Variants in TAS1R3 observed in about 807,000 individuals in gnomAD.
TAS1R3 encodes taste receptor type 1 member 3.
In TAS1R3, 58 loss-of-function variants were observed where a neutral mutation model predicts 46.1. The ratio of observed to expected loss-of-function variants is 1.26; its 90% CI spans 1.02 to 1.57. The LOEUF (loss-of-function observed/expected upper bound fraction) is 1.57. Ranked by LOEUF, TAS1R3 falls within the 40% of genes most tolerant of loss-of-function variation. TAS1R3 has a pLI of 0.00. For synonymous variants in TAS1R3, 724 were observed against 544.7 expected (o/e 1.33, Z -4.58); for missense variants, 1,422 against 1,185.8 (o/e 1.20, Z -2.93).
Position 1,334,127 on chromosome 1 carries a change from C to A in TAS1R3, c.2222C>A (p.Ala741Asp), listed in dbSNP as rs750640247. 5 of 1,580,912 alleles carry A rather than the reference C, an allele frequency of 3.2e-6. No individual in the cohort carries two copies. In the East Asian group the frequency reaches 1.2e-4, roughly 37 times the overall value. The change falls in exon 6 of 6, where the codon GCC (alanine) becomes GAC (aspartate). Residue 741 changes from alanine (A) to aspartate (D), a missense_variant. Coordinates refer to ENST00000339381, the MANE Select transcript of TAS1R3 (RefSeq NM_152228.3). ...GLAHATNATL[A>D]FLCFLGTFLV... Reference sequence around the variant, plus strand: ...GCGCACGCCACCAATGCCACGCTGGCCTTTCTCTGCTTCCTGGGCACTTTC... The same window carrying A: ...GCGCACGCCACCAATGCCACGCTGGACTTTCTCTGCTTCCTGGGCACTTTC...
At position 1,333,618 on chromosome 1, in the gene TAS1R3, G is replaced by GCTGCTC; in HGVS notation, c.1719_1724dup (p.Leu575_Leu576dup). 7 of 1,610,652 alleles carry GCTGCTC rather than the reference G, an allele frequency of 4.3e-6. No homozygotes were observed. The highest frequency in any genetic ancestry group is 2.2e-5 in the East Asian group (1 of 44,884). ...CATGGGGCGAGCCGGCTGTGCTGCT[G>GCTGCTC]CTGCTCCTGCTGCTGAGCCTGGCGC... On this transcript the variant is annotated inframe_insertion, in exon 6 of 6. Coordinates refer to ENST00000339381, the MANE Select transcript of TAS1R3 (RefSeq NM_152228.3).
In TAS1R3 at chr1:1,332,610, G is replaced by A; in HGVS notation, c.1079G>A (p.Gly360Asp). The change falls in exon 3 of 6, where the codon GGT becomes GAT. Residue 360 changes from glycine to aspartate, a missense_variant. Gly to Asp is a moderately conservative substitution (Grantham distance 94). Transcript: ENST00000339381. Reference sequence around the variant, plus strand: ...TCTGCCCTGGGCGAGAGGGAGCAGGGTCTGGAGGAGGACGTGGTGGGCCAG... The same window carrying A: ...TCTGCCCTGGGCGAGAGGGAGCAGGATCTGGAGGAGGACGTGGTGGGCCAG... ...FCSALGEREQ[G>D]LEEDVVGQRC... 2 of 1,610,710 alleles carry A rather than the reference G, an allele frequency of 1.2e-6. No individual in the cohort carries two copies.
Position 1,333,990 on chromosome 1 carries a change from G to A in TAS1R3, c.2085G>A (p.Leu695=), listed in dbSNP as rs1437466837. The A allele has an allele frequency of 1.3e-6, 2 of 1,599,906 alleles. No individual in the cohort carries two copies. Among genetic ancestry groups the A allele is most frequent in the Non-Finnish European group, 8.5e-7 (1 of 1,179,778 alleles). The part of the protein sequence containing the change: ...VLLAMLVEVA[L]CTWYLVAFPP... Reference sequence around the variant, plus strand: ...TGGCCATGCTGGTGGAGGTCGCACTGTGCACCTGGTACCTGGTGGCCTTCC... The same window carrying A: ...TGGCCATGCTGGTGGAGGTCGCACTATGCACCTGGTACCTGGTGGCCTTCC... Residue 695 remains leucine (L), a synonymous_variant, in exon 6 of 6, where the codon CTG becomes CTA. Transcript: ENST00000339381.
chr1:1,333,088 G>C lies in TAS1R3; in HGVS notation c.1443G>C (p.Glu481Asp), dbSNP rs764260347. Residue 481 changes from glutamate (E) to aspartate (D), a missense_variant, in exon 4 of 6, where the codon GAG (glutamate) becomes GAC (aspartate). Physicochemically the swap from Glu to Asp is conservative, Grantham distance 45. Coordinates refer to ENST00000339381, the MANE Select transcript of TAS1R3 (RefSeq NM_152228.3). The part of the protein sequence containing the change: ...VGRFNGSLRT[E>D]RLKIRWHTSD... Reference sequence around the variant, plus strand: ...GGTTCAACGGCAGCCTCAGGACAGAGCGCCTGAAGATCCGCTGGCACACGT... The same window carrying C: ...GGTTCAACGGCAGCCTCAGGACAGACCGCCTGAAGATCCGCTGGCACACGT... 5 of 1,612,498 alleles carry C rather than the reference G, an allele frequency of 3.1e-6. No homozygotes were observed. In the East Asian group the frequency reaches 8.9e-5, roughly 29 times the overall value.
chr1:1,333,661 G>A lies in TAS1R3; in HGVS notation c.1756G>A (p.Ala586Thr), dbSNP rs906661715. Residue 586 changes from alanine (A) to threonine (T), a missense_variant, in exon 6 of 6, where the codon GCT becomes ACT. Coordinates refer to ENST00000339381, the MANE Select transcript of TAS1R3 (RefSeq NM_152228.3). Reference sequence around the variant, plus strand: ...CCTGGCGCTGGGCCTTGTGCTGGCTGCTTTGGGGCTGTTCGTTCACCATCG... The same window carrying A: ...CCTGGCGCTGGGCCTTGTGCTGGCTACTTTGGGGCTGTTCGTTCACCATCG... ...LSLALGLVLAALGLFVHHRDS... is the reference protein window; with the variant it reads ...LSLALGLVLATLGLFVHHRDS... 1.9e-6 allele frequency: 3 copies of A among 1,612,136 alleles called. No homozygotes were observed.
rs776554702 is a variant in TAS1R3, at chr1:1,334,401, G to A, written c.2496G>A (p.Gly832=). The part of the protein sequence containing the change: ...GLNTPEFFLG[G]GPGDAQGQND... The stretch of plus-strand genomic sequence containing the variant: ...ACACCCCCGAGTTCTTCCTGGGAGG[G>A]GGCCCTGGGGATGCCCAAGGCCAGA... The change falls in exon 6 of 6, where the codon GGG becomes GGA. Residue 832 remains glycine, a synonymous_variant. Transcript: ENST00000339381. 7 of 1,606,458 alleles carry A rather than the reference G, an allele frequency of 4.4e-6. No individual in the cohort carries two copies. Among genetic ancestry groups the A allele is most frequent in the Non-Finnish European group, 6.0e-6 (7 of 1,176,394 alleles).
In TAS1R3 at chr1:1,332,926, G is replaced by A. The variant is rs1433783931; in HGVS notation, c.1281G>A (p.Leu427=). ...GCCCCGTCCCCCGCCCGCAGCTCCT[G>A]GAGAACATGTACAACCTGACCTTCC... ...AQDPVKPWQL[L]ENMYNLTFHV... The change falls in exon 4 of 6, where the codon CTG becomes CTA. Residue 427 remains leucine, a synonymous_variant. Coordinates refer to ENST00000339381, the MANE Select transcript of TAS1R3 (RefSeq NM_152228.3). 3 of 1,606,308 alleles carry A rather than the reference G, an allele frequency of 1.9e-6. No individual in the cohort carries two copies. The highest frequency in any genetic ancestry group is 2.6e-6 in the Non-Finnish European group (3 of 1,175,126).
In TAS1R3 at chr1:1,333,458, C is replaced by G. The variant is rs202162237; in HGVS notation, c.1601-48C>G. On this transcript the variant is annotated intron_variant, in intron 5 of 5. Coordinates refer to ENST00000339381, the MANE Select transcript of TAS1R3 (RefSeq NM_152228.3). ...CCAAGTCCTGACTCTGAGACCAGAG[C>G]CCACAGGGTACAAGACGAACACCCA... The G allele has an allele frequency of 2.4e-4, 382 of 1,603,534 alleles. 2 individuals carry two copies. In the East Asian group the frequency reaches 8.1e-3, roughly 34 times the overall value.
In TAS1R3 at chr1:1,331,958, A is replaced by ACACCC; in HGVS notation, c.492+21_492+22insACCCC. 1 of 1,539,252 alleles carries ACACCC rather than the reference A, an allele frequency of 6.5e-7. No individual in the cohort carries two copies. The highest frequency in any genetic ancestry group is 8.8e-7 in the Non-Finnish European group (1 of 1,141,778). On this transcript the variant is annotated intron_variant, in intron 2 of 5. Transcript: ENST00000339381. ...CCCCAGGTGGGCGCCCCCCACCATC[A>ACACCC]CCCACCCCCACCCAGCCCTGCCCGT...
rs1292657724 is a variant in TAS1R3 at position 1,331,766 on chromosome 1, T to C, written c.320T>C (p.Val107Ala). 1.2e-6 allele frequency: 2 copies of C among 1,612,874 alleles called. No homozygotes were observed. The highest frequency in any genetic ancestry group is 1.7e-6 in the Non-Finnish European group (2 of 1,180,016). Residue 107 changes from valine (V) to alanine (A), a missense_variant, in exon 2 of 6, where the codon GTG (valine) becomes GCG (alanine). Physicochemically the swap from Val to Ala is moderately conservative, Grantham distance 64 (BLOSUM62 0). Coordinates refer to ENST00000339381, the MANE Select transcript of TAS1R3 (RefSeq NM_152228.3). ...CTCTTTGATACGTGCTCGGAGCCTGTGGTGGCCATGAAGCCCAGCCTCATG... is the reference window on the plus strand; with the variant it reads ...CTCTTTGATACGTGCTCGGAGCCTGCGGTGGCCATGAAGCCCAGCCTCATG... Reference protein sequence around the residue: ...YDLFDTCSEPVVAMKPSLMFL... With the variant: ...YDLFDTCSEPAVAMKPSLMFL...
Position 1,331,405 on chromosome 1 carries a change from G to C in TAS1R3, c.60G>C (p.Gly20=). The change falls in exon 1 of 6, where the codon GGG becomes GGC. Residue 20 remains glycine, a synonymous_variant. Coordinates refer to ENST00000339381, the MANE Select transcript of TAS1R3 (RefSeq NM_152228.3). ...SLWALLHPGT[G]APLCLSQQLR... is the part of the protein sequence containing the mutation. ...GGGCTCTCCTGCACCCTGGGACGGG[G>C]GCCCCATTGTGCCTGTCACAGCAAC... The C allele has an allele frequency of 6.2e-7, 1 of 1,605,936 alleles. No individual in the cohort carries two copies. Among genetic ancestry groups the C allele is most frequent in the African/African-American group, 1.3e-5 (1 of 74,626 alleles).
intron 1 of TAS1R3, 35 bp downstream of exon 1, chr1:1,331,571 G>T: frequency 3.1e-6 from 5 of 1,602,324 alleles, no homozygotes; most frequent in South Asian, 1.1e-5. Flanking sequence ...CGGGGTCAGG[G>T]TGACCAGGTC....
In TAS1R3 at chr1:1,333,864, G is replaced by T. The variant is rs767100613; in HGVS notation, c.1959G>T (p.Leu653=). ...PLTGCLSTLF[L]QAAEIFVESE... The stretch of plus-strand genomic sequence containing the variant: ...CGGGCTGCCTGAGCACACTCTTCCT[G>T]CAGGCGGCCGAGATCTTCGTGGAGT... The change falls in exon 6 of 6, where the codon CTG becomes CTT. Residue 653 remains leucine (L), a synonymous_variant. Coordinates refer to ENST00000339381, the MANE Select transcript of TAS1R3 (RefSeq NM_152228.3). 67 of 1,600,406 alleles carry T rather than the reference G, an allele frequency of 4.2e-5. No homozygotes were observed. Among genetic ancestry groups the T allele is most frequent in the Non-Finnish European group, 5.5e-5 (65 of 1,179,822 alleles).
chr1:1,332,343 T>A lies in TAS1R3; in HGVS notation c.812T>A (p.Val271Glu). 1 of 1,606,078 alleles carries A rather than the reference T, an allele frequency of 6.2e-7. No individual in the cohort carries two copies. The highest frequency in any genetic ancestry group is 8.5e-7 in the Non-Finnish European group (1 of 1,177,928). ...HQVNQSSVQV[V>E]LLFASVHAAH... ...GTGAACCAGAGCAGCGTGCAGGTGG[T>A]GCTGCTGTTCGCCTCCGTGCACGCC... Residue 271 changes from valine (V) to glutamate (E), a missense_variant, in exon 3 of 6, where the codon GTG becomes GAG. Transcript: ENST00000339381.
rs1643515774 is a variant in TAS1R3, at chr1:1,334,617, C to T, written c.*153C>T. ...CCTGACCCCACAGTGAGCCCTAGGC[C>T]TGGAGCACGTGGACACCCCTGTGAC... is the stretch of plus-strand genomic sequence containing the variant. On this transcript the variant is annotated 3_prime_UTR_variant, in exon 6 of 6. Coordinates refer to ENST00000339381, the MANE Select transcript of TAS1R3 (RefSeq NM_152228.3). 1.2e-6 allele frequency: 1 copy of T among 863,762 alleles called. No homozygotes were observed. The highest frequency in any genetic ancestry group is 3.0e-5 in the Admixed American group (1 of 33,782). The allele number at this position is 863,762 out of a possible 1,614,324, so 53.5% of individuals were successfully genotyped here. A position where few individuals can be genotyped will look rare whatever the true frequency, so the allele number is the denominator to read the frequency against.
chr1:1,333,212 G>T, intron 4 of TAS1R3, 47 bp from the exon 5 acceptor site: 1 of 1,593,702 alleles, frequency 6.3e-7, no homozygotes, highest in Non-Finnish European at 8.5e-7. Flanking sequence ...CCAGTCTCCC[G>T]TGGGCATGCC....
In TAS1R3 at chr1:1,334,544, TAC is replaced by T. The variant is rs1202624041; in HGVS notation, c.*82_*83del. ...AAGCCAGCAATGACCCGTGTCTCGCTACAGAGACCCTCCCGCTCTAGGTTCTG... is the reference window on the plus strand; with the variant it reads ...AAGCCAGCAATGACCCGTGTCTCGCTAGAGACCCTCCCGCTCTAGGTTCTG... On this transcript the variant is annotated 3_prime_UTR_variant, in exon 6 of 6. Coordinates refer to ENST00000339381, the MANE Select transcript of TAS1R3 (RefSeq NM_152228.3). The T allele has an allele frequency of 6.4e-6, 9 of 1,396,620 alleles. No individual in the cohort carries two copies. The highest frequency in any genetic ancestry group is 2.0e-4 in the Middle Eastern group (1 of 5,128). 86.5% of individuals were successfully genotyped at this position (1,396,620 alleles called of 1,614,324 possible). A position where few individuals can be genotyped will look rare whatever the true frequency, so the allele number is the denominator to read the frequency against.
At position 1,332,612 on chromosome 1, in the gene TAS1R3, C is replaced by T. The variant is rs750578885; in HGVS notation, c.1081C>T (p.Leu361=). Reference sequence around the variant, plus strand: ...TGCCCTGGGCGAGAGGGAGCAGGGTCTGGAGGAGGACGTGGTGGGCCAGCG... The same window carrying T: ...TGCCCTGGGCGAGAGGGAGCAGGGTTTGGAGGAGGACGTGGTGGGCCAGCG... ...CSALGEREQG[L]EEDVVGQRCP... Residue 361 remains leucine, a synonymous_variant, in exon 3 of 6, where the codon CTG becomes TTG. Transcript: ENST00000339381. The T allele has an allele frequency of 3.1e-6, 5 of 1,610,678 alleles. No homozygotes were observed. The East Asian group carries it at 1.1e-4, about 36-fold the overall frequency.
At position 1,333,851 on chromosome 1, in the gene TAS1R3, G is replaced by A. The variant is rs1643491458; in HGVS notation, c.1946G>A (p.Ser649Asn). Residue 649 changes from serine to asparagine, a missense_variant, in exon 6 of 6, where the codon AGC becomes AAC. Ser to Asn is a conservative substitution (Grantham distance 46). Coordinates refer to ENST00000339381, the MANE Select transcript of TAS1R3 (RefSeq NM_152228.3). ...LSHLPLTGCL[S>N]TLFLQAAEIF... Reference sequence around the variant, plus strand: ...CACCTCCCGCTCACGGGCTGCCTGAGCACACTCTTCCTGCAGGCGGCCGAG... The same window carrying A: ...CACCTCCCGCTCACGGGCTGCCTGAACACACTCTTCCTGCAGGCGGCCGAG... The A allele has an allele frequency of 9.4e-6, 15 of 1,600,520 alleles. No homozygotes were observed. Among genetic ancestry groups the A allele is most frequent in the Non-Finnish European group, 1.3e-5 (15 of 1,179,794 alleles).
Sources: allele counts gnomAD v4.1 joint callset, GRCh38; gene constraint gnomAD v4.1.1; transcripts MANE v1.5; gene names NCBI Gene and HGNC (gene_info 2026-07-23, HGNC 2026-07-21).